The following POLD3 variants were observed in gnomAD, a reference collection of about 807,000 sequenced individuals.
The protein encoded by POLD3 is DNA polymerase delta subunit 3.
Under a neutral mutation model 58.2 loss-of-function variants are expected in POLD3, and 19 were observed. The observed-to-expected ratio is 0.33, with a 90% CI of 0.23 to 0.48. The LOEUF is 0.48. POLD3 is among the 20% of genes least tolerant of loss of function. The pLI is 0.99. For missense variants in POLD3, 504 were observed against 545.5 expected, an observed-to-expected ratio of 0.92 and a Z score of 0.76; for synonymous variants, 172 against 193.5, an observed-to-expected ratio of 0.89 and a Z score of 0.92.
chr11:74,618,859 A>G (rs1342598488), intron 6 of POLD3, 55 bp downstream of exon 6: 3 of 1,442,874 alleles, frequency 2.1e-6, no homozygotes, highest in East Asian at 4.6e-5. Context: ...GTAACTAGAA[A>G]AGCATTAATG....
intron 9 of POLD3, among the ~76,000 whole-genome samples, chr11:74,632,406 G>A (rs1025278576): frequency 2.0e-5 from 3 of 152,142 alleles, no homozygotes; most frequent in Non-Finnish European, 4.4e-5. Flanking sequence ...CCAGTGCATT[G>A]GACATTCTTT....
intron 2 of POLD3, among the ~76,000 whole-genome samples, chr11:74,602,290 C>T (rs1591290441): frequency 6.6e-6 from 1 of 152,134 alleles, no homozygotes. Flanking sequence ...ACAAGACTCT[C>T]TAGCAACCTT....
chr11:74,607,648 C>G lies in POLD3; in HGVS notation c.219+2854C>G, dbSNP rs551932778. On this transcript the variant is annotated intron_variant, in intron 3 of 11. Transcript: ENST00000263681. ...CCAGGCTATAGTGCAGTGGCAGAATCTCGGCTTACTGTAGCCTCAATCTCT... is the reference window on the plus strand; with the variant it reads ...CCAGGCTATAGTGCAGTGGCAGAATGTCGGCTTACTGTAGCCTCAATCTCT... Among the ~76,000 whole-genome samples the G allele has an allele frequency of 2.6e-5, 4 of 152,062 alleles. 1 individual carries two copies. In the South Asian group the frequency reaches 8.3e-4, roughly 32 times the overall value.
At chr11:74,659,949 C>T (rs772690208) in intron 4 of POLD3, among the ~76,000 whole-genome samples, 2 of 152,202 alleles carry the variant, frequency 1.3e-5, no homozygotes, top group Non-Finnish European at 2.9e-5. Context: ...CAGCAATGCC[C>T]CACTCTACTG....
chr11:74,637,444 T>C (rs1387895903), intron 11 of POLD3, among the ~76,000 whole-genome samples: 10 of 150,242 alleles, frequency 6.7e-5, no homozygotes, highest in Non-Finnish European at 1.3e-4. Flanking sequence ...CCTTTTTTTT[T>C]TTTTTTTGGC....
chr11:74,606,645 C>A (rs2031687444), intron 3 of POLD3, among the ~76,000 whole-genome samples: 2 of 152,114 alleles, frequency 1.3e-5, no homozygotes, highest in African/African-American at 4.8e-5. Flanking sequence ...CCCATTATAA[C>A]AGGGGCTCTT....
At chr11:74,644,438 G>A (rs1465466520), downstream of POLD3, among the ~76,000 whole-genome samples, 1 of 152,196 alleles carries the variant, frequency 6.6e-6, no homozygotes, top group Non-Finnish European at 1.5e-5. Context: ...CTGTAAATTA[G>A]CCCATGCTGT....
intron 7 of POLD3, among the ~76,000 whole-genome samples, chr11:74,622,540 C>A (rs2032296965): frequency 1.3e-5 from 2 of 152,130 alleles, no homozygotes; most frequent in Admixed American, 1.3e-4. Flanking sequence ...TTTGACATTT[C>A]TTCAAGGCTG....
At chr11:74,629,586 C>CTTT (rs59268270) in intron 9 of POLD3, among the ~76,000 whole-genome samples, 8 of 144,410 alleles carry the variant, frequency 5.5e-5, no homozygotes, top group South Asian at 2.2e-4. Flanking sequence ...CTTTTCTTTT[C>CTTT]TTTTTTTTTT....
At position 74,667,998 on chromosome 11, in the gene POLD3, T is replaced by C. The variant is rs118002688; in HGVS notation, c.370-779T>C. On this transcript the variant is annotated intron_variant, in intron 4 of 4. Transcript: ENST00000524752. ...AGTCATTAGGGAAAACATTAGTCAT[T>C]AGGGAAATGTAAATCAAAATCTCAA... Among the ~76,000 whole-genome samples the C allele has an allele frequency of 1.7e-3, 254 of 152,332 alleles. 3 individuals are homozygous for C. The East Asian group carries it at 0.039, about 23-fold the overall frequency.
At chr11:74,651,226 A>G (rs528227231) in intron 4 of POLD3, among the ~76,000 whole-genome samples, 92 of 152,372 alleles carry the variant, frequency 6.0e-4, no homozygotes, top group Admixed American at 1.0e-3. Flanking sequence ...GAAAATATTT[A>G]TTGAATGAAT....
chr11:74,666,799 A>T (rs989811583), intron 4 of POLD3, among the ~76,000 whole-genome samples: 3 of 152,138 alleles, frequency 2.0e-5, no homozygotes, highest in African/African-American at 7.2e-5. Context: ...AAAAAGAAGA[A>T]CAAAAGTGGA....
At chr11:74,613,688 TG>T (rs1366398469) in intron 5 of POLD3, among the ~76,000 whole-genome samples, 3 of 152,336 alleles carry the variant, frequency 2.0e-5, no homozygotes, top group Admixed American at 1.3e-4. Flanking sequence ...CCTACTACTT[TG>T]ACAGGTACTG....
At chr11:74,606,155 A>G (rs894473398) in intron 3 of POLD3, among the ~76,000 whole-genome samples, 1 of 152,234 alleles carries the variant, frequency 6.6e-6, no homozygotes, top group Non-Finnish European at 1.5e-5. Context: ...TCTAGCCAAC[A>G]TATTCTTTTC....
intron 5 of POLD3, among the ~76,000 whole-genome samples, chr11:74,614,687 G>A (rs1445375797): frequency 6.7e-6 from 1 of 148,500 alleles, no homozygotes; most frequent in African/African-American, 2.5e-5. Context: ...TCCAGCCTGG[G>A]CGACAGAGCA....
intron 5 of POLD3, among the ~76,000 whole-genome samples, chr11:74,616,009 A>C (rs962439420): frequency 1.1e-4 from 16 of 152,208 alleles, no homozygotes; most frequent in Non-Finnish European, 1.8e-4. Context: ...TTTCAAGAAA[A>C]TATTAACACC....
At chr11:74,622,849 G>A (rs1247681059) in intron 7 of POLD3, among the ~76,000 whole-genome samples, 1 of 152,106 alleles carries the variant, frequency 6.6e-6, no homozygotes, top group Non-Finnish European at 1.5e-5. Flanking sequence ...CTACACAAGG[G>A]AATTAAAACT....
chr11:74,656,551 C>T (rs1367703356), intron 4 of POLD3, among the ~76,000 whole-genome samples: 1 of 151,936 alleles, frequency 6.6e-6, no homozygotes, highest in Non-Finnish European at 1.5e-5. Context: ...CACACCATTG[C>T]ACTCCAGCCT....
intron 4 of POLD3, chr11:74,668,745 G>T (rs1212844271): frequency 1.6e-6 from 2 of 1,275,660 alleles, no homozygotes; most frequent in Non-Finnish European, 2.0e-6. Flanking sequence ...AAGATATATA[G>T]AGTTTTCCTT....
Sources: gnomAD v4.1 joint callset for allele counts (sites outside exome capture counted in the v4.1 genomes callset) on GRCh38, gnomAD v4.1.1 for gene constraint, MANE v1.5 for transcripts, NCBI Gene and HGNC (gene_info 2026-07-23, HGNC 2026-07-21) for gene names.